ERI1: variants seen among roughly 807,000 people sequenced by gnomAD.
The protein encoded by ERI1 is 3'-5' exoribonuclease 1.
Under a neutral mutation model 39.7 loss-of-function variants are expected in ERI1, and 39 were observed. The observed-to-expected ratio is 0.98, with a 90% confidence interval of 0.76 to 1.28. The LOEUF (loss-of-function observed/expected upper bound fraction) is 1.28. Among genes scored for constraint, ERI1 ranks in the 50% most tolerant of loss-of-function variants. The probability of loss-of-function intolerance (pLI) is 0.00; values close to 1 mark genes in which losing one functional copy is unlikely to be tolerated. For synonymous variants in ERI1, 204 were observed against 149.6 expected, an observed-to-expected ratio of 1.36 and a Z score of -2.65; for missense variants, 581 against 416.9, an observed-to-expected ratio of 1.39 and a Z score of -3.43.
intron 3 of ERI1, among the ~76,000 whole-genome samples, chr8:9,078,749 CA>C (rs1178847599): frequency 6.6e-6 from 1 of 152,190 alleles, no homozygotes; most frequent in African/African-American, 2.4e-5. Context: ...TTTGTTACAA[CA>C]AAGCCTTCCA....
At chr8:9,074,617 A>G (rs1799151656) in intron 3 of ERI1, among the ~76,000 whole-genome samples, 1 of 152,102 alleles carries the variant, frequency 6.6e-6, no homozygotes, top group East Asian at 1.9e-4. Context: ...AATTTTTTGT[A>G]GAGCTGAGGT....
At chr8:9,050,507 C>CA (rs35279058) in intron 3 of ERI1, among the ~76,000 whole-genome samples, 1,932 of 141,722 alleles carry the variant, frequency 0.014, 55 homozygotes, top group African/African-American at 0.047. Context: ...AACTCCATCT[C>CA]AAAAAAAAAA....
chr8:9,042,271 A>G (rs1452250868), intron 3 of ERI1, among the ~76,000 whole-genome samples: 1 of 152,208 alleles, frequency 6.6e-6, no homozygotes. Flanking sequence ...TCCCTTTGCG[A>G]TAATTTCTCT....
At chr8:9,008,913 C>G (rs1816350490) in intron 2 of ERI1, 2 of 426,388 alleles carry the variant, frequency 4.7e-6, no homozygotes, top group South Asian at 1.7e-5. Flanking sequence ...AGTATTCTTC[C>G]TCTTTAGAGT....
intron 6 of ERI1, among the ~76,000 whole-genome samples, chr8:9,024,837 T>C (rs551818214): frequency 5.6e-4 from 86 of 152,232 alleles, no homozygotes; most frequent in African/African-American, 1.9e-3. Flanking sequence ...TTTTTTGTCC[T>C]CCCTTTACAA....
At chr8:9,068,843 G>T (rs1220425116) in intron 3 of ERI1, among the ~76,000 whole-genome samples, 3 of 152,022 alleles carry the variant, frequency 2.0e-5, no homozygotes, top group Non-Finnish European at 4.4e-5. Context: ...TTGAGACAGG[G>T]TCTCTTTCTG....
intron 4 of ERI1, among the ~76,000 whole-genome samples, chr8:9,016,832 C>T (rs1429477334): frequency 4.6e-5 from 7 of 151,878 alleles, no homozygotes; most frequent in African/African-American, 1.7e-4. Flanking sequence ...ACTACAGGCG[C>T]GTTGCCACCA....
intron 3 of ERI1, among the ~76,000 whole-genome samples, chr8:9,042,494 CTCAAG>C (rs1798058135): frequency 6.6e-6 from 1 of 152,196 alleles, no homozygotes; most frequent in South Asian, 2.1e-4. Context: ...TCTTGTGTCA[CTCAAG>C]TCAGGGAACA....
chr8:9,011,488 G>A lies in ERI1; in HGVS notation c.288-54G>A, dbSNP rs1329229298. 3 of 1,277,120 alleles carry A rather than the reference G, an allele frequency of 2.3e-6. No homozygotes were observed. The African/African-American group carries it at 4.5e-5, about 19-fold the overall frequency. 79.1% of individuals were successfully genotyped at this position (1,277,120 alleles called of 1,614,324 possible). ...CCCAGTGCCAGCAGGTGAGAGTTTTGATTCTTGACTGTAGAATTTACCTAA... is the reference window on the plus strand; with the variant it reads ...CCCAGTGCCAGCAGGTGAGAGTTTTAATTCTTGACTGTAGAATTTACCTAA... On this transcript the variant is annotated intron_variant, in intron 2 of 6. Coordinates refer to ENST00000250263, the MANE Select transcript of ERI1 (RefSeq NM_153332.4).
At chr8:9,086,057 C>T (rs573747633) in intron 3 of ERI1, among the ~76,000 whole-genome samples, 7 of 152,238 alleles carry the variant, frequency 4.6e-5, no homozygotes, top group African/African-American at 1.2e-4. Context: ...AAATAACTCC[C>T]GTCCTCTTTC....
chr8:9,081,427 T>G (rs749894817), intron 3 of ERI1, among the ~76,000 whole-genome samples: 2 of 152,182 alleles, frequency 1.3e-5, no homozygotes, highest in African/African-American at 4.8e-5. Context: ...TCTGGTTACT[T>G]TTGTACATAC....
rs1440401840 is a variant in ERI1, at chr8:9,031,466, A to C, written c.*1432A>C. ...GTTACAGATTATAGTAAAATAAGGA[A>C]ATCTAAGTGCTTTAAGTTTATACAG... On this transcript the variant is annotated 3_prime_UTR_variant, in exon 7 of 7. Transcript: ENST00000250263. 1 of 152,216 alleles carries C rather than the reference A, an allele frequency of 6.6e-6. No homozygotes were observed. The highest frequency in any genetic ancestry group is 1.5e-5 in the Non-Finnish European group (1 of 68,040). 9.4% of individuals were successfully genotyped at this position (152,216 alleles called of 1,614,324 possible).
intron 3 of ERI1, among the ~76,000 whole-genome samples, chr8:9,042,912 C>G (rs1455254607): frequency 2.0e-5 from 3 of 152,186 alleles, no homozygotes; most frequent in Non-Finnish European, 4.4e-5. Flanking sequence ...CAGTCAGTTA[C>G]CCTGCATGCT....
chr8:9,038,806 G>A (rs1268741540), intron 3 of ERI1, among the ~76,000 whole-genome samples: 1 of 152,136 alleles, frequency 6.6e-6, no homozygotes, highest in Non-Finnish European at 1.5e-5. Context: ...AAAATTTTTG[G>A]AAATACTTTA....
At chr8:9,098,103 G>A (rs1001283016) in intron 3 of ERI1, among the ~76,000 whole-genome samples, 2 of 152,218 alleles carry the variant, frequency 1.3e-5, no homozygotes, top group African/African-American at 2.4e-5. Flanking sequence ...GATACAGTGG[G>A]CCGGGCACAG....
At chr8:9,024,141 G>A (rs1818222218) in intron 6 of ERI1, among the ~76,000 whole-genome samples, 1 of 152,090 alleles carries the variant, frequency 6.6e-6, no homozygotes, top group African/African-American at 2.4e-5. Flanking sequence ...GGCAAAGGGT[G>A]GAAATGGGTA....
intron 3 of ERI1, among the ~76,000 whole-genome samples, chr8:9,041,242 G>A (rs997926304): frequency 3.3e-5 from 5 of 152,150 alleles, no homozygotes; most frequent in African/African-American, 9.7e-5. Flanking sequence ...AAAATACAAA[G>A]AAACCTTAAG....
intron 1 of ERI1, among the ~76,000 whole-genome samples, chr8:9,006,065 A>T (rs759770294): frequency 2.0e-5 from 3 of 152,248 alleles, no homozygotes; most frequent in Non-Finnish European, 2.9e-5. Flanking sequence ...ACTGGTACGG[A>T]TGCTGATGCA....
At chr8:9,084,111 A>G (rs1427000466) in intron 3 of ERI1, among the ~76,000 whole-genome samples, 3 of 151,436 alleles carry the variant, frequency 2.0e-5, no homozygotes, top group South Asian at 4.2e-4. Context: ...TTTTTTTTAG[A>G]TTTAGCCTGG....
Sources: allele counts gnomAD v4.1 joint callset (sites outside exome capture counted in the v4.1 genomes callset), GRCh38; gene constraint gnomAD v4.1.1; transcripts MANE v1.5; gene names NCBI Gene and HGNC (gene_info 2026-07-23, HGNC 2026-07-21).